The following PRMT3 variants were observed in gnomAD, a reference collection of about 807,000 sequenced individuals.
PRMT3 encodes protein arginine N-methyltransferase 3.
PRMT3 carries 62 observed loss-of-function variants against 71.9 expected under a neutral mutation model. The ratio of observed to expected loss-of-function variants is 0.86; its 90% CI spans 0.70 to 1.07. The LOEUF is 1.07. Ranked by LOEUF, PRMT3 falls within the 50% of genes least tolerant of loss-of-function variation. PRMT3 has a pLI of 0.00. For synonymous variants in PRMT3, 213 were observed against 220.4 expected, an observed-to-expected ratio of 0.97 and a Z score of 0.30; for missense variants, 663 against 643.0, an observed-to-expected ratio of 1.03 and a Z score of -0.34.
At chr11:20,490,700 A>G (rs949815138) in intron 13 of PRMT3, among the ~76,000 whole-genome samples, 5 of 152,250 alleles carry the variant, frequency 3.3e-5, no homozygotes, top group African/African-American at 1.2e-4. Flanking sequence ...TAACAGTTAT[A>G]GAAGTATAAT....
chr11:20,436,232 T>G (rs778201166), intron 10 of PRMT3, among the ~76,000 whole-genome samples: 8 of 152,206 alleles, frequency 5.3e-5, no homozygotes, highest in Non-Finnish European at 1.2e-4. Context: ...TAAGATCATG[T>G]CGTCTTCAAA....
At chr11:20,397,936 GC>G (rs1302682599) in intron 7 of PRMT3, among the ~76,000 whole-genome samples, 1 of 149,222 alleles carries the variant, frequency 6.7e-6, no homozygotes, top group African/African-American at 2.5e-5. Context: ...CACTTTGGGA[GC>G]CCGAGGCAGG....
Position 20,445,015 on chromosome 11 carries a change from G to A in PRMT3, c.994-7115G>A, listed in dbSNP as rs145950163. Among the ~76,000 whole-genome samples the A allele has an allele frequency of 2.3e-4, 35 of 151,964 alleles. No homozygotes were observed. The East Asian group carries it at 6.2e-3, about 27-fold the overall frequency. ...GTCCCTGATAATGTTTTTAATAATT[G>A]TAATTTTCTTATGGTTAATGTTTAA... On this transcript the variant is annotated intron_variant, in intron 10 of 15. Transcript: ENST00000331079.
rs149867984 is a variant in PRMT3 at position 20,462,084 on chromosome 11, T to C, written c.1177T>C (p.Cys393Arg). The C allele has an allele frequency of 6.2e-7, 1 of 1,613,334 alleles. No homozygotes were observed. The highest frequency in any genetic ancestry group is 1.3e-5 in the African/African-American group (1 of 75,050). The change falls in exon 12 of 16, where the codon TGC (cysteine) becomes CGC (arginine). Residue 393 changes from cysteine (C) to arginine (R), a missense_variant. Transcript: ENST00000331079. Reference sequence around the variant, plus strand: ...TGATGTCTATGGCTTCAAGATGTCCTGCATGAAGAAAGCAGTTATTCCAGA... The same window carrying C: ...TGATGTCTATGGCTTCAAGATGTCCCGCATGAAGAAAGCAGTTATTCCAGA... ...WDDVYGFKMS[C>R]MKKAVIPEAV...
At chr11:20,389,317 T>C (rs1037067837) in intron 2 of PRMT3, among the ~76,000 whole-genome samples, 21 of 152,380 alleles carry the variant, frequency 1.4e-4, no homozygotes, top group African/African-American at 4.8e-4. Flanking sequence ...AATTACATTT[T>C]ATGCTTTATT....
intron 4 of PRMT3, among the ~76,000 whole-genome samples, chr11:20,392,494 A>G (rs1456410287): frequency 6.7e-6 from 1 of 150,124 alleles, no homozygotes; most frequent in Non-Finnish European, 1.5e-5. Context: ...GGTGTATGTG[A>G]AAAAGTAATT....
At chr11:20,438,240 C>G (rs576642784) in intron 10 of PRMT3, among the ~76,000 whole-genome samples, 2 of 152,240 alleles carry the variant, frequency 1.3e-5, no homozygotes, top group South Asian at 2.1e-4. Context: ...ACTGGCCTGA[C>G]CCTGGGGAAG....
chr11:20,484,296 G>A (rs561750899), intron 13 of PRMT3, among the ~76,000 whole-genome samples: 10 of 152,308 alleles, frequency 6.6e-5, no homozygotes, highest in Admixed American at 5.9e-4. Flanking sequence ...AACATTTTAT[G>A]GATGTATTAT....
At chr11:20,504,721 A>T (rs1055575201) in intron 15 of PRMT3, among the ~76,000 whole-genome samples, 156 of 149,598 alleles carry the variant, frequency 1.0e-3, no homozygotes, top group Non-Finnish European at 1.3e-3. Flanking sequence ...AGAGAGAGAG[A>T]GAGAGAGAGA....
rs201289499 is a variant in PRMT3 at position 20,475,606 on chromosome 11, GT to G, written c.1347+11061del. Among the ~76,000 whole-genome samples the G allele has an allele frequency of 6.1e-4, 92 of 149,884 alleles. No individual in the cohort carries two copies. In the East Asian group the frequency reaches 0.017, roughly 28 times the overall value. ...CTTAAAGTCCTTTATTTTGGATTCTGTCAAACTTCATAAATTTGAATAGTGT... is the reference window on the plus strand; with the variant it reads ...CTTAAAGTCCTTTATTTTGGATTCTGCAAACTTCATAAATTTGAATAGTGT... On this transcript the variant is annotated intron_variant, in intron 13 of 15. Transcript: ENST00000331079.
intron 15 of PRMT3, among the ~76,000 whole-genome samples, chr11:20,503,414 C>A (rs1388498741): frequency 2.0e-5 from 3 of 152,088 alleles, no homozygotes; most frequent in Non-Finnish European, 2.9e-5. Context: ...GATTGTACAG[C>A]TCATTGAGTT....
chr11:20,395,776 G>A, intron 5 of PRMT3, 27 bp from the exon 6 acceptor site: 1 of 1,598,598 alleles, frequency 6.3e-7, no homozygotes, highest in East Asian at 2.2e-5. Flanking sequence ...AAGATGGCCT[G>A]ATAATAATGT....
intron 2 of PRMT3, 144 bp from the exon 3 acceptor site, chr11:20,389,600 A>C: frequency 3.8e-6 from 2 of 528,486 alleles, no homozygotes. Context: ...CCTTTCAGAT[A>C]CAAGTGTGTT....
At chr11:20,464,589 C>T (rs1306697148) in intron 13 of PRMT3, 43 bp downstream of exon 13, 1 of 1,602,196 alleles carries the variant, frequency 6.2e-7, no homozygotes, top group Admixed American at 1.7e-5. Flanking sequence ...ACTAGCAGTG[C>T]AGTTGATTGG....
At chr11:20,503,083 A>G (rs1416525037) in intron 15 of PRMT3, among the ~76,000 whole-genome samples, 1 of 151,858 alleles carries the variant, frequency 6.6e-6, no homozygotes, top group East Asian at 1.9e-4. Flanking sequence ...AGACTTAAAA[A>G]ATACTTGTTA....
chr11:20,436,227 T>C (rs1276801296), intron 10 of PRMT3, among the ~76,000 whole-genome samples: 2 of 152,202 alleles, frequency 1.3e-5, no homozygotes, highest in Non-Finnish European at 2.9e-5. Flanking sequence ...CTGTATAAGA[T>C]CATGTCGTCT....
intron 15 of PRMT3, among the ~76,000 whole-genome samples, chr11:20,495,526 AG>A (rs1326779134): frequency 2.6e-5 from 4 of 152,076 alleles, no homozygotes; most frequent in Non-Finnish European, 5.9e-5. Context: ...AAAGAGAAAA[AG>A]TTATTGCATT....
chr11:20,423,151 C>T (rs1185458514), intron 9 of PRMT3, among the ~76,000 whole-genome samples: 1 of 152,174 alleles, frequency 6.6e-6, no homozygotes, highest in African/African-American at 2.4e-5. Context: ...TATTCTTTCA[C>T]CCACATATGT....
chr11:20,466,418 C>T (rs896953030), intron 13 of PRMT3, among the ~76,000 whole-genome samples: 1 of 152,176 alleles, frequency 6.6e-6, no homozygotes, highest in Non-Finnish European at 1.5e-5. Context: ...CCCAGATGAA[C>T]AAAACCCTTT....
Sources: allele counts gnomAD v4.1 joint callset (sites outside exome capture counted in the v4.1 genomes callset), GRCh38; gene constraint gnomAD v4.1.1; transcripts MANE v1.5; gene names NCBI Gene and HGNC (gene_info 2026-07-23, HGNC 2026-07-21).